ADAMTSL1: variants seen among roughly 807,000 people sequenced by gnomAD.
ADAMTSL1 encodes the protein ADAMTS-like protein 1.
ADAMTSL1 carries 126 observed loss-of-function variants against 201.8 expected under a neutral mutation model. The ratio of observed to expected loss-of-function variants is 0.62; its 90% CI spans 0.54 to 0.72. The LOEUF is 0.72. ADAMTSL1 is among the 30% of genes least tolerant of loss of function. The probability of loss-of-function intolerance (pLI) is 0.00; values close to 1 mark genes in which losing one functional copy is unlikely to be tolerated. For synonymous variants in ADAMTSL1, 1,121 were observed against 903.4 expected (o/e 1.24, Z -4.32); for missense variants, 2,679 against 2,277.8 (o/e 1.18, Z -3.59).
At chr9:18,571,552 T>C (rs1466696075) in intron 3 of ADAMTSL1, among the ~76,000 whole-genome samples, 1 of 152,222 alleles carries the variant, frequency 6.6e-6, no homozygotes, top group Non-Finnish European at 1.5e-5. Flanking sequence ...AAACTGTCAG[T>C]TCAACTTTAG....
chr9:18,227,234 A>G (rs968192243), intron 2 of ADAMTSL1, among the ~76,000 whole-genome samples: 4 of 152,098 alleles, frequency 2.6e-5, no homozygotes, highest in African/African-American at 9.7e-5. Context: ...GCATTGTCGT[A>G]TATTTTTCAA....
chr9:18,362,310 A>G (rs1836562545), intron 2 of ADAMTSL1: 1 of 152,258 alleles, frequency 6.6e-6, no homozygotes, highest in African/African-American at 2.4e-5. Context: ...GTTGGAACAA[A>G]TATATTAGGA....
chr9:18,614,098 C>G (rs1019285581), intron 4 of ADAMTSL1, among the ~76,000 whole-genome samples: 4 of 152,130 alleles, frequency 2.6e-5, no homozygotes, highest in Admixed American at 6.6e-5. Flanking sequence ...GTTTGAAGAA[C>G]AGCAAAGAGA....
At chr9:18,095,416 C>CTTTTTTT (rs35164794) in intron 1 of ADAMTSL1, among the ~76,000 whole-genome samples, 1,145 of 100,048 alleles carry the variant, frequency 0.011, 10 homozygotes, top group Non-Finnish European at 0.019. Flanking sequence ...TTCTTTCTTT[C>CTTTTTTT]TTTTTTTTTT....
At chr9:18,593,788 G>C (rs1824077915) in intron 4 of ADAMTSL1, among the ~76,000 whole-genome samples, 1 of 147,126 alleles carries the variant, frequency 6.8e-6, no homozygotes, top group African/African-American at 2.6e-5. Context: ...TATTATTTCA[G>C]GTTTTTTTTT....
At chr9:18,262,129 G>A (rs6475207) in intron 2 of ADAMTSL1, among the ~76,000 whole-genome samples, 61,049 of 151,982 alleles carry the variant, frequency 0.4, 12,574 homozygotes, top group South Asian at 0.52. Context: ...CAAACCCTAC[G>A]ACTTCATTTT....
intron 1 of ADAMTSL1, among the ~76,000 whole-genome samples, chr9:18,113,807 G>A (rs1825131957): frequency 6.6e-6 from 1 of 152,098 alleles, no homozygotes; most frequent in South Asian, 2.1e-4. Context: ...TGAAGTAACT[G>A]TGTAACTATT....
chr9:17,922,990 A>G (rs1826369628), intron 1 of ADAMTSL1, among the ~76,000 whole-genome samples: 2 of 152,132 alleles, frequency 1.3e-5, no homozygotes, highest in Admixed American at 6.5e-5. Context: ...TTTTTCTTCA[A>G]GTCATCATGC....
intron 2 of ADAMTSL1, among the ~76,000 whole-genome samples, chr9:18,396,082 A>G (rs1817741136): frequency 6.6e-6 from 1 of 152,182 alleles, no homozygotes; most frequent in Non-Finnish European, 1.5e-5. Flanking sequence ...TGCATAGGTT[A>G]TCTACTGTAA....
At chr9:18,400,579 T>C (rs1426302347) in intron 2 of ADAMTSL1, among the ~76,000 whole-genome samples, 2 of 152,236 alleles carry the variant, frequency 1.3e-5, no homozygotes, top group African/African-American at 4.8e-5. Flanking sequence ...AAATGTATGA[T>C]GTATTTGCAA....
At chr9:18,417,288 G>T (rs1304187696) in intron 2 of ADAMTSL1, among the ~76,000 whole-genome samples, 1 of 148,998 alleles carries the variant, frequency 6.7e-6, no homozygotes, top group Non-Finnish European at 1.5e-5. Context: ...AAGAAAAAAG[G>T]TCTTCATACA....
At chr9:18,660,118 G>A (rs561569167) in intron 8 of ADAMTSL1, among the ~76,000 whole-genome samples, 5 of 152,288 alleles carry the variant, frequency 3.3e-5, no homozygotes, top group Admixed American at 2.0e-4. Flanking sequence ...AGAACTATCA[G>A]TGGTTTTCAG....
chr9:18,540,279 G>C lies in ADAMTSL1; in HGVS notation c.237+6987G>C, dbSNP rs561007320. Among the ~76,000 whole-genome samples, 85 of 152,314 alleles carry C rather than the reference G, an allele frequency of 5.6e-4. 3 individuals carry two copies. The South Asian group carries it at 0.017, about 30-fold the overall frequency. On this transcript the variant is annotated intron_variant, in intron 3 of 28. Transcript: ENST00000380548. ...TATAGTGTGAGATGCAGATGATAAA[G>C]TTTTAAAAGAGGACAGTTTCATATA...
At chr9:18,483,725 GC>G (rs988069956) in intron 1 of ADAMTSL1, among the ~76,000 whole-genome samples, 1 of 152,172 alleles carries the variant, frequency 6.6e-6, no homozygotes, top group Non-Finnish European at 1.5e-5. Flanking sequence ...TACTCGGGAT[GC>G]TGAGGCAGGA....
intron 2 of ADAMTSL1, among the ~76,000 whole-genome samples, chr9:18,302,745 G>A (rs1490872218): frequency 6.6e-6 from 1 of 152,124 alleles, no homozygotes; most frequent in Non-Finnish European, 1.5e-5. Flanking sequence ...ATGCTTAATG[G>A]TAAGATTAAG....
chr9:18,075,019 C>T (rs1168671284), intron 1 of ADAMTSL1, among the ~76,000 whole-genome samples: 1 of 152,062 alleles, frequency 6.6e-6, no homozygotes, highest in Admixed American at 6.6e-5. Context: ...TTCCTTCTTT[C>T]CTGCCTTCCT....
At chr9:17,925,913 A>G (rs1188741508) in intron 1 of ADAMTSL1, among the ~76,000 whole-genome samples, 1 of 152,026 alleles carries the variant, frequency 6.6e-6, no homozygotes, top group Non-Finnish European at 1.5e-5. Flanking sequence ...GACGAAATGG[A>G]GAATACGTGC....
chr9:18,177,412 CGTCATTTAATATTAA>C (rs1828218160), intron 2 of ADAMTSL1, among the ~76,000 whole-genome samples: 1 of 152,088 alleles, frequency 6.6e-6, no homozygotes, highest in African/African-American at 2.4e-5. Flanking sequence ...TAAAACGTTG[CGTCATTTAATATTAA>C]GTCCACCGTA....
At chr9:18,825,085 A>G (rs1465142906) in intron 21 of ADAMTSL1, among the ~76,000 whole-genome samples, 1 of 152,086 alleles carries the variant, frequency 6.6e-6, no homozygotes, top group Non-Finnish European at 1.5e-5. Flanking sequence ...TGAGTTGTGT[A>G]GGGGAGGGTG....
Sources: gnomAD v4.1 joint callset for allele counts (sites outside exome capture counted in the v4.1 genomes callset) on GRCh38, gnomAD v4.1.1 for gene constraint, MANE v1.5 for transcripts, NCBI Gene and HGNC (gene_info 2026-07-23, HGNC 2026-07-21) for gene names.